The following PTGES variants were observed in gnomAD, a reference collection of about 807,000 sequenced individuals.
PTGES encodes the protein prostaglandin E synthase.
A neutral mutation model predicts 11.8 loss-of-function variants in PTGES; 3 were observed. That is an observed-to-expected ratio of 0.25 (90% CI 0.12 to 0.66). The LOEUF is 0.66. Ranked by LOEUF, PTGES falls within the 30% of genes least tolerant of loss-of-function variation. PTGES has a pLI of 0.82. For missense variants in PTGES, 180 were observed against 213.0 expected, an observed-to-expected ratio of 0.85 and a Z score of 0.96; for synonymous variants, 94 against 90.4, an observed-to-expected ratio of 1.04 and a Z score of -0.22.
chr9:129,750,535 A>G (rs961427785), intron 1 of PTGES, among the ~76,000 whole-genome samples: 1 of 152,202 alleles, frequency 6.6e-6, no homozygotes, highest in Non-Finnish European at 1.5e-5. Flanking sequence ...CTGGAGATAC[A>G]ACTCAGATAC....
At chr9:129,747,580 C>A (rs764234785) in intron 2 of PTGES, among the ~76,000 whole-genome samples, 25 of 152,152 alleles carry the variant, frequency 1.6e-4, no homozygotes, top group Non-Finnish European at 2.9e-4. Flanking sequence ...TGGTAGGAAT[C>A]CACCCAAATA....
At chr9:129,741,353 A>G (rs1394279468) in intron 2 of PTGES, among the ~76,000 whole-genome samples, 1 of 152,198 alleles carries the variant, frequency 6.6e-6, no homozygotes, top group Non-Finnish European at 1.5e-5. Context: ...ATCTGAGTGT[A>G]CAAAACTCCT....
At chr9:129,742,797 G>A (rs989109207) in intron 2 of PTGES, among the ~76,000 whole-genome samples, 1 of 151,908 alleles carries the variant, frequency 6.6e-6, no homozygotes, top group Non-Finnish European at 1.5e-5. Flanking sequence ...TCTTGAACCC[G>A]GGAGACAGAG....
At chr9:129,742,040 G>A (rs1017716345) in intron 2 of PTGES, among the ~76,000 whole-genome samples, 8 of 151,814 alleles carry the variant, frequency 5.3e-5, no homozygotes, top group Admixed American at 2.0e-4. Context: ...ATCCTTGGCC[G>A]GGTGCAGTGG....
At chr9:129,751,947 C>A (rs1037253320) in intron 1 of PTGES, among the ~76,000 whole-genome samples, 3 of 152,210 alleles carry the variant, frequency 2.0e-5, no homozygotes, top group African/African-American at 7.2e-5. Flanking sequence ...CCAGGACCAG[C>A]CAAGGCAGGG....
rs193102577 is a variant in PTGES, at chr9:129,747,088, T to A, written c.209+1567A>T. On this transcript the variant is annotated intron_variant, in intron 2 of 2. Transcript: ENST00000340607. Reference sequence around the variant, plus strand: ...CCACCATGCCCGGCTAATTTTTGTATCTTTAGTGGAGACAGGGTCTCGCCA... The same window carrying A: ...CCACCATGCCCGGCTAATTTTTGTAACTTTAGTGGAGACAGGGTCTCGCCA... 1.4e-3 allele frequency among the ~76,000 whole-genome samples: 212 copies of A among 152,250 alleles called. 4 individuals carry two copies. Among genetic ancestry groups the A allele is most frequent in the Admixed American group, 0.012 (188 of 15,296 alleles).
intron 2 of PTGES, among the ~76,000 whole-genome samples, chr9:129,744,298 C>T (rs373937503): frequency 5.8e-4 from 88 of 152,250 alleles, no homozygotes; most frequent in East Asian, 2.7e-3. Context: ...ATCAAAAGCA[C>T]GTTATGGGGC....
chr9:129,742,008 G>T (rs958212643), intron 2 of PTGES, among the ~76,000 whole-genome samples: 18 of 151,764 alleles, frequency 1.2e-4, no homozygotes, highest in African/African-American at 4.4e-4. Flanking sequence ...AAAGGCAATA[G>T]GTGTTCCTCC....
intron 1 of PTGES, among the ~76,000 whole-genome samples, chr9:129,751,346 A>C (rs1014310282): frequency 6.0e-5 from 9 of 149,136 alleles, no homozygotes; most frequent in African/African-American, 2.0e-4. Context: ...TAATAATTAA[A>C]AAAAAAAAAA....
rs1229681905 is a variant in PTGES at position 129,751,381 on chromosome 9, T to A, written c.126+1506A>T. On this transcript the variant is annotated intron_variant, in intron 1 of 2. Coordinates refer to ENST00000340607, the MANE Select transcript of PTGES (RefSeq NM_004878.5). ...AAAAAAGGAATCGCTGGCCTGCTGG[T>A]AAGAACCCAGGCCTCAGCCAGGTGC... 2.1e-5 allele frequency among the ~76,000 whole-genome samples: 3 copies of A among 144,002 alleles called. No individual in the cohort carries two copies. In the Admixed American group the frequency reaches 2.1e-4, roughly 10 times the overall value. The allele number at this position is 144,002 out of a possible 152,430, so 94.5% of individuals were successfully genotyped here.
At chr9:129,751,368 G>C (rs1204209270) in intron 1 of PTGES, among the ~76,000 whole-genome samples, 1 of 147,070 alleles carries the variant, frequency 6.8e-6, no homozygotes, top group South Asian at 2.2e-4. Context: ...AAAAGGAATC[G>C]CTGGCCTGCT....
rs576403825 is a variant in PTGES, at chr9:129,752,929, G to A, written c.84C>T (p.Tyr28=). ...CTTGGCCCGTGATGATGGCCACCACGTACATCTTGATGACCAGCAGCGTGC... is the reference window on the plus strand; with the variant it reads ...CTTGGCCCGTGATGATGGCCACCACATACATCTTGATGACCAGCAGCGTGC... ...LCSTLLVIKM[Y]VVAIITGQVR... Residue 28 remains tyrosine (Y), a synonymous_variant, in exon 1 of 3, where the codon TAC becomes TAT. Coordinates refer to ENST00000340607, the MANE Select transcript of PTGES (RefSeq NM_004878.5). The A allele has an allele frequency of 1.9e-5, 30 of 1,613,562 alleles. 1 individual carries two copies. Among genetic ancestry groups the A allele is most frequent in the African/African-American group, 4.0e-5 (3 of 74,948 alleles).
intron 2 of PTGES, among the ~76,000 whole-genome samples, chr9:129,746,579 A>G (rs1458471492): frequency 2.0e-5 from 3 of 148,298 alleles, no homozygotes; most frequent in Admixed American, 2.0e-4. Context: ...CAAGAAAAAC[A>G]TAAGAAAAAA....
intron 2 of PTGES, among the ~76,000 whole-genome samples, chr9:129,741,343 A>G (rs1169395704): frequency 1.3e-5 from 2 of 152,200 alleles, no homozygotes; most frequent in African/African-American, 4.8e-5. Flanking sequence ...GAGGAATTCA[A>G]TCTGAGTGTA....
intron 1 of PTGES, among the ~76,000 whole-genome samples, chr9:129,751,540 A>T (rs1404934373): frequency 6.6e-6 from 1 of 151,780 alleles, no homozygotes; most frequent in Non-Finnish European, 1.5e-5. Flanking sequence ...TTAGCAGGGC[A>T]TGGTGGTGTG....
chr9:129,743,947 C>T (rs571498148), intron 2 of PTGES, among the ~76,000 whole-genome samples: 1 of 152,268 alleles, frequency 6.6e-6, no homozygotes, highest in African/African-American at 2.4e-5. Context: ...CTCCTGGGTT[C>T]AAGTGATTTT....
intron 2 of PTGES, among the ~76,000 whole-genome samples, chr9:129,742,345 A>AAAAAC (rs1833004612): frequency 6.7e-6 from 1 of 149,376 alleles, no homozygotes; most frequent in African/African-American, 2.5e-5. Context: ...AAAAAAAAAA[A>AAAAAC]AAAAACATAA....
In PTGES at chr9:129,739,859, C is replaced by A; in HGVS notation, c.211G>T (p.Ala71Ser). ...ATGGTCTCCATGTCGTTCCGGTGGG[C>A]CCTGGGGAGACAAGAGGGGTGCGGT... ...SDPDVERCLRAHRNDMETIYP... is the reference protein window; with the variant it reads ...SDPDVERCLRSHRNDMETIYP... The change falls in exon 3 of 3, where the codon GCC becomes TCC. Residue 71 changes from alanine (A) to serine (S), a missense_variant and splice_region_variant. Transcript: ENST00000340607. The surrounding 1 kb of genome is among the most constrained non-coding windows in gnomAD (Gnocchi z 5.7). The A allele has an allele frequency of 1.3e-6, 2 of 1,565,914 alleles. No homozygotes were observed. The highest frequency in any genetic ancestry group is 2.4e-5 in the East Asian group (1 of 42,286).
chr9:129,748,920 C>T (rs10988492), intron 1 of PTGES, among the ~76,000 whole-genome samples, 183 bp from the exon 2 acceptor site: 14,610 of 152,234 alleles, frequency 0.096, 770 homozygotes, highest in East Asian at 0.2. Flanking sequence ...CATGAAAAGG[C>T]CCCCCTGTCT....
Sources: gnomAD v4.1 joint callset for allele counts (sites outside exome capture counted in the v4.1 genomes callset) on GRCh38, gnomAD v4.1.1 for gene constraint, Gnocchi (gnomAD v3.1) non-coding constraint, MANE v1.5 for transcripts, NCBI Gene and HGNC (gene_info 2026-07-23, HGNC 2026-07-21) for gene names.